The following CSMD1 variants were observed in gnomAD, a reference collection of about 807,000 sequenced individuals.
CSMD1 encodes CUB and sushi domain-containing protein 1.
In CSMD1, 213 loss-of-function variants were observed where a neutral mutation model predicts 417.5. The ratio of observed to expected loss-of-function variants is 0.51; its 90% CI spans 0.46 to 0.57. The LOEUF (loss-of-function observed/expected upper bound fraction) is 0.57, where lower values mean the gene tolerates loss of function less well. Among genes scored for constraint, CSMD1 ranks in the 20% least tolerant of loss-of-function variants. The pLI is 0.00. For missense variants in CSMD1, 6,923 were observed against 4,529.7 expected (o/e 1.53, Z -15.17); for synonymous variants, 2,862 against 1,736.8 (o/e 1.65, Z -16.11).
At chr8:4,836,925 A>T (rs1800529395) in intron 1 of CSMD1, among the ~76,000 whole-genome samples, 1 of 152,138 alleles carries the variant, frequency 6.6e-6, no homozygotes, top group African/African-American at 2.4e-5. Context: ...GTAGAGTTCT[A>T]ATGGGAAACC....
chr8:3,794,081 T>C (rs1222299768), intron 5 of CSMD1, among the ~76,000 whole-genome samples: 1 of 152,204 alleles, frequency 6.6e-6, no homozygotes, highest in Non-Finnish European at 1.5e-5. Context: ...CTTCCCCTGA[T>C]GGCTCATGAA....
intron 3 of CSMD1, among the ~76,000 whole-genome samples, chr8:4,170,997 C>G (rs77649373): frequency 0.03 from 4,511 of 152,022 alleles, 109 homozygotes; most frequent in Non-Finnish European, 0.043. Flanking sequence ...TAAGTTCACA[C>G]CTTCAGCATG....
At chr8:3,546,520 G>C (rs1021057963) in intron 10 of CSMD1, among the ~76,000 whole-genome samples, 3 of 150,050 alleles carry the variant, frequency 2.0e-5, no homozygotes, top group South Asian at 2.1e-4. Flanking sequence ...TGGTGACAGA[G>C]TGAGACTCCA....
intron 3 of CSMD1, among the ~76,000 whole-genome samples, chr8:4,070,818 C>A (rs541176705): frequency 2.0e-5 from 3 of 152,304 alleles, no homozygotes; most frequent in Non-Finnish European, 4.4e-5. Flanking sequence ...CTGACTCACC[C>A]TCATTCTTGA....
At chr8:3,274,101 G>C (rs1802082692) in intron 26 of CSMD1, among the ~76,000 whole-genome samples, 1 of 151,786 alleles carries the variant, frequency 6.6e-6, no homozygotes, top group Non-Finnish European at 1.5e-5. Context: ...TGCTTTGAAT[G>C]TGTCCCAGAG....
intron 1 of CSMD1, among the ~76,000 whole-genome samples, chr8:4,785,171 T>C (rs1398741041): frequency 6.6e-6 from 1 of 152,228 alleles, no homozygotes; most frequent in Non-Finnish European, 1.5e-5. Context: ...CTTTGCTGAA[T>C]ATGACTCCTA....
Position 4,883,689 on chromosome 8 carries a change from G to T in CSMD1, c.85+110643C>A, listed in dbSNP as rs763031510. 2.0e-5 allele frequency among the ~76,000 whole-genome samples: 3 copies of T among 151,952 alleles called. No individual in the cohort carries two copies. The East Asian group carries it at 5.8e-4, about 29-fold the overall frequency. ...TTTTATTGCGGAATAATAACCAATT[G>T]TATGGCCATACCATATTTTGTGTAT... On this transcript the variant is annotated intron_variant, in intron 1 of 69. Transcript: ENST00000635120.
At chr8:4,832,612 GA>G (rs1800219977) in intron 1 of CSMD1, among the ~76,000 whole-genome samples, 1 of 152,128 alleles carries the variant, frequency 6.6e-6, no homozygotes, top group Non-Finnish European at 1.5e-5. Context: ...GACACTTAGG[GA>G]TTATAGTAAG....
At chr8:4,675,105 G>C (rs1177708729) in intron 1 of CSMD1, among the ~76,000 whole-genome samples, 1 of 152,078 alleles carries the variant, frequency 6.6e-6, no homozygotes, top group Non-Finnish European at 1.5e-5. Flanking sequence ...CCCAATCCAT[G>C]GTATTTTGTT....
intron 3 of CSMD1, among the ~76,000 whole-genome samples, chr8:4,359,782 G>C (rs1036556): frequency 1.3e-5 from 2 of 152,028 alleles, no homozygotes; most frequent in Non-Finnish European, 1.5e-5. Flanking sequence ...AGTTGGTAAA[G>C]AACGCACAAT....
chr8:3,668,113 G>T (rs529215644), intron 7 of CSMD1, among the ~76,000 whole-genome samples: 1 of 152,102 alleles, frequency 6.6e-6, no homozygotes, highest in East Asian at 1.9e-4. Flanking sequence ...GCAATGGGGA[G>T]AGAGCGTTGA....
chr8:4,802,401 G>A (rs974391256), intron 1 of CSMD1, among the ~76,000 whole-genome samples: 8 of 151,828 alleles, frequency 5.3e-5, no homozygotes, highest in Non-Finnish European at 1.0e-4. Flanking sequence ...AAGCATCCCC[G>A]TGGTTAACTT....
chr8:3,556,203 TTTTG>T (rs1044033444), intron 10 of CSMD1, among the ~76,000 whole-genome samples: 1 of 151,752 alleles, frequency 6.6e-6, no homozygotes, highest in Admixed American at 6.6e-5. Flanking sequence ...TTATGAAGAC[TTTTG>T]TTTGTTACAG....
Position 3,890,570 on chromosome 8 carries a change from C to T in CSMD1, c.818+107333G>A, listed in dbSNP as rs537504386. Among the ~76,000 whole-genome samples, 3 of 152,156 alleles carry T rather than the reference C, an allele frequency of 2.0e-5. No homozygotes were observed. In the East Asian group the frequency reaches 5.8e-4, roughly 29 times the overall value. On this transcript the variant is annotated intron_variant, in intron 5 of 69. Transcript: ENST00000635120. ...TCAAAGGACAAAATAATAGGTAACA[C>T]ATAAGGTTTTTATGCCGATTTCAGG...
intron 1 of CSMD1, among the ~76,000 whole-genome samples, chr8:4,668,462 T>TTATTAC (rs1179551203): frequency 6.9e-6 from 1 of 144,976 alleles, no homozygotes; most frequent in South Asian, 2.2e-4. Context: ...ATTATTATTA[T>TTATTAC]TATTTGAGAT....
At position 3,234,362 on chromosome 8, in the gene CSMD1, A is replaced by G. The variant is rs547599963; in HGVS notation, c.4154-4131T>C. On this transcript the variant is annotated intron_variant, in intron 26 of 69. Transcript: ENST00000635120. The stretch of plus-strand genomic sequence containing the variant: ...TAATACTGCAAACGGAAGCCACTCA[A>G]TCACACTTATTTCTTAAACACTGGC... 2.0e-5 allele frequency among the ~76,000 whole-genome samples: 3 copies of G among 152,270 alleles called. No homozygotes were observed. The East Asian group carries it at 5.8e-4, about 29-fold the overall frequency.
chr8:4,028,097 A>C (rs189336522), intron 4 of CSMD1, among the ~76,000 whole-genome samples: 9 of 152,308 alleles, frequency 5.9e-5, no homozygotes, highest in Non-Finnish European at 1.3e-4. Context: ...TTAATAAGAA[A>C]AAAATGAAAA....
At chr8:3,498,374 A>G (rs1796454686) in intron 10 of CSMD1, among the ~76,000 whole-genome samples, 1 of 152,206 alleles carries the variant, frequency 6.6e-6, no homozygotes, top group Admixed American at 6.5e-5. Flanking sequence ...ATCACCTCAA[A>G]TAATTTTTTC....
intron 3 of CSMD1, among the ~76,000 whole-genome samples, chr8:4,362,620 T>C (rs1801836584): frequency 6.6e-6 from 1 of 152,168 alleles, no homozygotes. Flanking sequence ...TTTTCTCTTT[T>C]CACCAGTTTG....
Sources: allele counts gnomAD v4.1 joint callset (sites outside exome capture counted in the v4.1 genomes callset), GRCh38; gene constraint gnomAD v4.1.1; transcripts MANE v1.5; gene names NCBI Gene and HGNC (gene_info 2026-07-23, HGNC 2026-07-21).